The following ZNF18 variants were observed in gnomAD, a reference collection of about 807,000 sequenced individuals.
ZNF18 encodes zinc finger protein 18.
ZNF18 carries 42 observed loss-of-function variants against 58.1 expected under a neutral mutation model. The observed-to-expected ratio is 0.72, with a 90% CI of 0.56 to 0.93. The LOEUF is 0.93. Among genes scored for constraint, ZNF18 ranks in the 40% least tolerant of loss-of-function variants. The probability of loss-of-function intolerance (pLI) is 0.00; values close to 1 mark genes in which losing one functional copy is unlikely to be tolerated. For missense variants in ZNF18, 540 were observed against 644.2 expected, an observed-to-expected ratio of 0.84 and a Z score of 1.75; for synonymous variants, 231 against 239.8, an observed-to-expected ratio of 0.96 and a Z score of 0.34.
the ZNF18 span, among the ~76,000 whole-genome samples, chr17:12,009,959 G>C: frequency 6.6e-6 from 1 of 152,166 alleles, no homozygotes; most frequent in African/African-American, 2.4e-5. Flanking sequence ...AATATTAGCA[G>C]ATGGTAGTTT....
chr17:11,988,912 A>G (rs1020126414), intron 4 of ZNF18, among the ~76,000 whole-genome samples: 1 of 151,804 alleles, frequency 6.6e-6, no homozygotes, highest in Non-Finnish European at 1.5e-5. Flanking sequence ...TAATCCCAGC[A>G]CTCTGGGAGA....
At chr17:12,020,792 CA>C in the ZNF18 span, 2 of 516,862 alleles carry the variant, frequency 3.9e-6, no homozygotes, top group Non-Finnish European at 2.9e-6. Context: ...GAGGCGGGGC[CA>C]AGGCGGGGGT....
the ZNF18 span, among the ~76,000 whole-genome samples, chr17:12,017,977 T>C: frequency 6.6e-6 from 1 of 152,156 alleles, no homozygotes; most frequent in African/African-American, 2.4e-5. Context: ...AAGCAAGGAA[T>C]ACACAGACGT....
chr17:11,991,857 G>A (rs1187612928), intron 2 of ZNF18, among the ~76,000 whole-genome samples: 1 of 152,078 alleles, frequency 6.6e-6, no homozygotes, highest in African/African-American at 2.4e-5. Flanking sequence ...AATCACCAAC[G>A]GCAAATGACT....
the ZNF18 span, among the ~76,000 whole-genome samples, chr17:12,008,456 T>C: frequency 6.6e-6 from 1 of 152,174 alleles, no homozygotes; most frequent in Non-Finnish European, 1.5e-5. Flanking sequence ...CGCCTCAGCC[T>C]GTCAAGTAGC....
chr17:11,990,933 C>A (rs751404238), intron 3 of ZNF18, 41 bp downstream of exon 3: 1 of 1,583,282 alleles, frequency 6.3e-7, no homozygotes, highest in South Asian at 1.2e-5. Context: ...ATCACAATCC[C>A]AAAATCTCTC....
Position 11,983,354 on chromosome 17 carries a change from C to T in ZNF18, c.805G>A (p.Glu269Lys), listed in dbSNP as rs774122043. 5 of 1,614,074 alleles carry T rather than the reference C, an allele frequency of 3.1e-6. No individual in the cohort carries two copies. The highest frequency in any genetic ancestry group is 4.2e-6 in the Non-Finnish European group (5 of 1,179,982). ...DLTNSIEFGE[E>K]LAGIYLHVNE... is the part of the protein sequence containing the mutation. Reference sequence around the variant, plus strand: ...ACATGAAGGTATATTCCTGCCAGCTCTTCCCCAAATTCTATTGAATTAGTC... The same window carrying T: ...ACATGAAGGTATATTCCTGCCAGCTTTTCCCCAAATTCTATTGAATTAGTC... Residue 269 changes from glutamate (E) to lysine (K), a missense_variant, in exon 6 of 7, where the codon GAG (glutamate) becomes AAG (lysine). Transcript: ENST00000580306.
At chr17:12,019,791 A>T in the ZNF18 span, among the ~76,000 whole-genome samples, 1 of 152,180 alleles carries the variant, frequency 6.6e-6, no homozygotes, top group Non-Finnish European at 1.5e-5. Context: ...TGGGTGGAAG[A>T]AGTTTTGGGA....
At chr17:12,018,181 T>C in the ZNF18 span, among the ~76,000 whole-genome samples, 3 of 152,258 alleles carry the variant, frequency 2.0e-5, no homozygotes, top group South Asian at 2.1e-4. Context: ...TTGCTGGTTA[T>C]TCATATGTAT....
At chr17:12,000,764 T>C (rs1351815565), upstream of ZNF18, among the ~76,000 whole-genome samples, 3 of 152,090 alleles carry the variant, frequency 2.0e-5, no homozygotes, top group Non-Finnish European at 4.4e-5. Context: ...TCAAATGCCA[T>C]GATCAAATGT....
At chr17:11,997,998 TTCCGTTGGGGCTAG>T (rs1968577399), upstream of ZNF18, among the ~76,000 whole-genome samples, 1 of 152,214 alleles carries the variant, frequency 6.6e-6, no homozygotes, top group Non-Finnish European at 1.5e-5. Context: ...CTTCTCCCCA[TTCCGTTGGGGCTAG>T]TCCAATGTGG....
the ZNF18 span, chr17:12,011,147 A>G: frequency 1.2e-5 from 7 of 606,576 alleles, no homozygotes; most frequent in Admixed American, 1.5e-4. Flanking sequence ...GCACGGCCAA[A>G]GGAACAACTC....
chr17:11,992,462 G>A lies in ZNF18; in HGVS notation c.368C>T (p.Pro123Leu), dbSNP rs774554134. 2 of 1,613,914 alleles carry A rather than the reference G, an allele frequency of 1.2e-6. No individual in the cohort carries two copies. The highest frequency in any genetic ancestry group is 2.7e-5 in the African/African-American group (2 of 74,924). The part of the protein sequence containing the change: ...VTLVESLKGD[P>L]QRLWQWISIQ... Reference sequence around the variant, plus strand: ...GCTTACCCATTGCCACAGTCTCTGGGGGTCCCCCTTCAAGCTTTCCACAAG... The same window carrying A: ...GCTTACCCATTGCCACAGTCTCTGGAGGTCCCCCTTCAAGCTTTCCACAAG... Residue 123 changes from proline to leucine, a missense_variant, in exon 2 of 7, where the codon CCC becomes CTC. Pro to Leu is a moderately conservative substitution (Grantham distance 98). Transcript: ENST00000580306.
At chr17:11,986,955 A>G (rs1391081631) in intron 4 of ZNF18, among the ~76,000 whole-genome samples, 1 of 152,212 alleles carries the variant, frequency 6.6e-6, no homozygotes, top group African/African-American at 2.4e-5. Flanking sequence ...CCTCCAGCTT[A>G]AAAACACAAA....
chr17:12,000,534 A>C (rs9893561), upstream of ZNF18, among the ~76,000 whole-genome samples: 3,020 of 152,116 alleles, frequency 0.02, 75 homozygotes, highest in African/African-American at 0.057. Flanking sequence ...CATGGAGAAA[A>C]CCTGTCTCTA....
the ZNF18 span, among the ~76,000 whole-genome samples, chr17:12,013,444 A>G: frequency 1.3e-5 from 2 of 151,964 alleles, no homozygotes; most frequent in Non-Finnish European, 2.9e-5. Context: ...ATGGTTTCTT[A>G]TTTTTTCTTT....
chr17:11,978,840 CTT>C (rs56969015), intron 6 of ZNF18, 96 bp from the exon 7 acceptor site: 1,958 of 119,958 alleles, frequency 0.016, no homozygotes, highest in South Asian at 0.045. Context: ...CATTCATTTT[CTT>C]TTTTTTTTTT....
chr17:12,011,521 G>A, the ZNF18 span, among the ~76,000 whole-genome samples: 1 of 151,440 alleles, frequency 6.6e-6, no homozygotes. Flanking sequence ...AAGTAGTTGG[G>A]GCTACAGGCA....
At chr17:11,998,383 AG>A (rs1968588516), upstream of ZNF18, 1 of 152,238 alleles carries the variant, frequency 6.6e-6, no homozygotes, top group Non-Finnish European at 1.5e-5. Context: ...GGCAAAGAGG[AG>A]GGTATTCAAA....
Sources: allele counts gnomAD v4.1 joint callset (sites outside exome capture counted in the v4.1 genomes callset), GRCh38; gene constraint gnomAD v4.1.1; transcripts MANE v1.5; gene names NCBI Gene and HGNC (gene_info 2026-07-23, HGNC 2026-07-21).